Variants in POMT1 observed in about 807,000 individuals in gnomAD.
POMT1 encodes protein O-mannosyl-transferase 1.
Under a neutral mutation model 101.6 loss-of-function variants are expected in POMT1, and 85 were observed. That is an observed-to-expected ratio of 0.84 (90% CI 0.70 to 1.00). POMT1 has a LOEUF of 1.00. POMT1 is among the 50% of genes least tolerant of loss of function. The probability of loss-of-function intolerance (pLI) is 0.00; values close to 1 mark genes in which losing one functional copy is unlikely to be tolerated. For missense variants in POMT1, 857 were observed against 930.4 expected, an observed-to-expected ratio of 0.92 and a Z score of 1.03; for synonymous variants, 371 against 383.0, an observed-to-expected ratio of 0.97 and a Z score of 0.37.
intron 12 of POMT1, 111 bp downstream of exon 12, chr9:131,513,442 ATCT>A: frequency 1.0e-6 from 1 of 984,188 alleles, no homozygotes; most frequent in Non-Finnish European, 1.6e-6. Context: ...TCTACCCATC[ATCT>A]GCATGTGTAG....
rs150209587 is a variant in POMT1, at chr9:131,522,996, G to A, written c.2068G>A (p.Val690Met). 59 of 1,608,214 alleles carry A rather than the reference G, an allele frequency of 3.7e-5. No homozygotes were observed. The South Asian group carries it at 4.6e-4, about 13-fold the overall frequency. ...GGCCTGGTACTCCTCCGCGTGCCAC[G>A]TGTCCAACACGCTGCGCCCACTCAC... ...VVAWYSSACH[V>M]SNTLRPLTYG... The change falls in exon 20 of 20, where the codon GTG becomes ATG. Residue 690 changes from valine (V) to methionine (M), a missense_variant. Transcript: ENST00000402686. The surrounding 1 kb of genome is among the most constrained non-coding windows in gnomAD (Gnocchi z 5.5).
In POMT1 at chr9:131,504,810, G is replaced by C. The variant is rs1172388452; in HGVS notation, c.122+470G>C. On this transcript the variant is annotated intron_variant, in intron 2 of 19. Transcript: ENST00000402686. ...GTGTGTGTTTTTGAGACGGAGTCTTGCTGTGTCGCCCAGGTTGGAGTGCAG... is the reference window on the plus strand; with the variant it reads ...GTGTGTGTTTTTGAGACGGAGTCTTCCTGTGTCGCCCAGGTTGGAGTGCAG... 2.9e-5 allele frequency among the ~76,000 whole-genome samples: 4 copies of C among 136,052 alleles called. No individual in the cohort carries two copies. The Admixed American group carries it at 3.0e-4, about 10-fold the overall frequency. 89.3% of individuals were successfully genotyped at this position (136,052 alleles called of 152,430 possible).
In POMT1 at chr9:131,515,535, G is replaced by A; in HGVS notation, c.1272+13G>A. The stretch of plus-strand genomic sequence containing the variant: ...CCTCTGGAGACTGGTGAGTAAGGCT[G>A]CGGCTATAGCAGCCACAACCGTCAG... On this transcript the variant is annotated intron_variant, in intron 13 of 19. Coordinates refer to ENST00000402686, the MANE Select transcript of POMT1 (RefSeq NM_001077365.2). 2 of 1,611,268 alleles carry A rather than the reference G, an allele frequency of 1.2e-6. No individual in the cohort carries two copies. The highest frequency in any genetic ancestry group is 2.2e-5 in the East Asian group (1 of 44,882).
chr9:131,520,261 A>G (rs775732033), intron 17 of POMT1, 68 bp downstream of exon 17: 53 of 1,313,934 alleles, frequency 4.0e-5, no homozygotes, highest in Non-Finnish European at 5.6e-5. Flanking sequence ...CCTTGCATTA[A>G]GAGCAGCCGC....
At chr9:131,514,291 T>G (rs1315544297) in intron 12 of POMT1, among the ~76,000 whole-genome samples, 2 of 152,158 alleles carry the variant, frequency 1.3e-5, no homozygotes, top group Admixed American at 1.3e-4. Flanking sequence ...AGGTCCCTGG[T>G]GACCCTGACA....
intron 11 of POMT1, 125 bp downstream of exon 11, chr9:131,512,261 TTGA>T: frequency 1.3e-6 from 2 of 1,508,542 alleles, no homozygotes; most frequent in Admixed American, 2.0e-5. Flanking sequence ...CGTCATGGCC[TTGA>T]ACACCAGCTC....
Position 131,503,141 on chromosome 9 carries a change from G to C in POMT1, c.-31+68G>C, listed in dbSNP as rs1944922176. ...GGGGGAGTCCGTCAGTGCCGGACGC[G>C]GGTCCCTGGCTTGCGGACGGGCTGG... On this transcript the variant is annotated intron_variant, in intron 1 of 19. Coordinates refer to ENST00000402686, the MANE Select transcript of POMT1 (RefSeq NM_001077365.2). The surrounding 1 kb of genome is among the most constrained non-coding windows in gnomAD (Gnocchi z 4.4). The C allele has an allele frequency of 1.3e-5, 2 of 152,334 alleles. No individual in the cohort carries two copies. Among genetic ancestry groups the C allele is most frequent in the Non-Finnish European group, 2.9e-5 (2 of 68,110 alleles). The allele number at this position is 152,334 out of a possible 1,614,324, so 9.4% of individuals were successfully genotyped here.
chr9:131,511,015 T>TAAAA, intron 9 of POMT1: 1 of 283,960 alleles, frequency 3.5e-6, no homozygotes, highest in Non-Finnish European at 6.7e-6. Flanking sequence ...GTTGTTTGGC[T>TAAAA]CACCCTAGTC....
chr9:131,513,958 G>A (rs1196934312), intron 12 of POMT1, among the ~76,000 whole-genome samples: 5 of 152,140 alleles, frequency 3.3e-5, no homozygotes, highest in African/African-American at 1.2e-4. Flanking sequence ...CCGGCTGCCC[G>A]GGGCTCACCT....
At position 131,523,136 on chromosome 9, in the gene POMT1, T is replaced by C. The variant is rs1489524758; in HGVS notation, c.*30T>C. On this transcript the variant is annotated 3_prime_UTR_variant, in exon 20 of 20. Transcript: ENST00000402686. Reference sequence around the variant, plus strand: ...AGAGTGTGGCAAAGAACACCCGTGCTGGGGTCGGGATGAGGTTGAAGGGTC... The same window carrying C: ...AGAGTGTGGCAAAGAACACCCGTGCCGGGGTCGGGATGAGGTTGAAGGGTC... The C allele has an allele frequency of 6.2e-7, 1 of 1,606,002 alleles. No individual in the cohort carries two copies. Among genetic ancestry groups the C allele is most frequent in the East Asian group, 2.2e-5 (1 of 44,860 alleles).
Position 131,507,474 on chromosome 9 carries a change from TCATTGTGCCGCCATGGGAG to T in POMT1, c.389_407del (p.His130LeufsTer4). ...AGATAGTGTTGGAGCTCCACTTTTCTCATTGTGCCGCCATGGGAGCTGCTCTGTTGATGCTTATCGGTAA... is the reference window on the plus strand; with the variant it reads ...AGATAGTGTTGGAGCTCCACTTTTCTCTGCTCTGTTGATGCTTATCGGTAA... On this transcript the variant is annotated frameshift_variant, in exon 5 of 20. Coordinates refer to ENST00000402686, the MANE Select transcript of POMT1 (RefSeq NM_001077365.2). LOFTEE classifies it high-confidence loss of function. 2 of 1,614,180 alleles carry T rather than the reference TCATTGTGCCGCCATGGGAG, an allele frequency of 1.2e-6. No homozygotes were observed. The highest frequency in any genetic ancestry group is 1.7e-6 in the Non-Finnish European group (2 of 1,180,028).
rs1034209081 is a variant in POMT1 at position 131,520,267 on chromosome 9, G to C, written c.1698+74G>C. The stretch of plus-strand genomic sequence containing the variant: ...TTGAGAATTCCTTGCATTAAGAGCA[G>C]CCGCTGCACCCTAGAAAGTGCTGGG... On this transcript the variant is annotated intron_variant, in intron 17 of 19. Coordinates refer to ENST00000402686, the MANE Select transcript of POMT1 (RefSeq NM_001077365.2). The C allele has an allele frequency of 5.6e-6, 7 of 1,242,350 alleles. No homozygotes were observed. In the South Asian group the frequency reaches 8.5e-5, roughly 15 times the overall value. The allele number at this position is 1,242,350 out of a possible 1,614,324, so 77.0% of individuals were successfully genotyped here.
intron 5 of POMT1, among the ~76,000 whole-genome samples, chr9:131,508,445 C>T (rs537943943): frequency 2.3e-4 from 35 of 151,468 alleles, no homozygotes; most frequent in African/African-American, 8.2e-4. Context: ...GCAGGAGAAT[C>T]GCTTGAACCC....
chr9:131,515,625 C>G (rs1305666125), intron 13 of POMT1, 103 bp downstream of exon 13: 7 of 1,050,732 alleles, frequency 6.7e-6, no homozygotes, highest in Non-Finnish European at 1.0e-5. Flanking sequence ...AGAGCACTTC[C>G]TAACAGAACA....
intron 13 of POMT1, chr9:131,516,874 C>T (rs1045801599): frequency 6.6e-6 from 1 of 152,286 alleles, no homozygotes; most frequent in African/African-American, 2.4e-5. Flanking sequence ...CAGGCTTAGC[C>T]GTGAGTGCGG....
intron 11 of POMT1, 133 bp downstream of exon 11, chr9:131,512,269 C>T (rs1267857296): frequency 1.4e-6 from 2 of 1,481,192 alleles, no homozygotes; most frequent in Non-Finnish European, 1.8e-6. Flanking sequence ...CCTTGAACAC[C>T]AGCTCAGTGC....
intron 15 of POMT1, 42 bp downstream of exon 15, chr9:131,518,999 T>C: frequency 1.9e-6 from 3 of 1,611,562 alleles, no homozygotes; most frequent in Non-Finnish European, 2.5e-6. Context: ...GGAATGTACT[T>C]TCAGCTGCTC....
Position 131,523,117 on chromosome 9 carries a change from T to G in POMT1, c.*11T>G. On this transcript the variant is annotated 3_prime_UTR_variant, in exon 20 of 20. Coordinates refer to ENST00000402686, the MANE Select transcript of POMT1 (RefSeq NM_001077365.2). ...ATCCGAAAACACTAGAACAAGAGTG[T>G]GGCAAAGAACACCCGTGCTGGGGTC... 1 of 1,609,510 alleles carries G rather than the reference T, an allele frequency of 6.2e-7. No homozygotes were observed. The highest frequency in any genetic ancestry group is 8.5e-7 in the Non-Finnish European group (1 of 1,179,428).
intron 11 of POMT1, among the ~76,000 whole-genome samples, chr9:131,512,886 G>C (rs773629622): frequency 6.6e-6 from 1 of 152,150 alleles, no homozygotes; most frequent in Admixed American, 6.5e-5. Flanking sequence ...TGCTGGGATT[G>C]CAGGTGTGAG....
Sources: allele counts gnomAD v4.1 joint callset (sites outside exome capture counted in the v4.1 genomes callset), GRCh38; gene constraint gnomAD v4.1.1; non-coding constraint Gnocchi (gnomAD v3.1); transcripts MANE v1.5; gene names NCBI Gene and HGNC (gene_info 2026-07-23, HGNC 2026-07-21).